Variants in CD109 observed in about 807,000 individuals in gnomAD.
CD109 encodes CD109 antigen.
In CD109, 149 loss-of-function variants were observed where a neutral mutation model predicts 165.8. The ratio of observed to expected loss-of-function variants is 0.90; its 90% CI spans 0.79 to 1.03. The LOEUF (loss-of-function observed/expected upper bound fraction) is 1.03, where lower values mean the gene tolerates loss of function less well. CD109 is among the 50% of genes least tolerant of loss of function. The pLI, the probability that CD109 is intolerant of heterozygous loss-of-function variation, is 0.00. For missense variants in CD109, 1,712 were observed against 1,677.8 expected (o/e 1.02, Z -0.36); for synonymous variants, 585 against 592.1 (o/e 0.99, Z 0.18).
chr6:73,823,429 T>G, intron 32 of CD109, 29 bp from the exon 33 acceptor site: 1 of 1,564,810 alleles, frequency 6.4e-7, no homozygotes, highest in Non-Finnish European at 8.7e-7. Context: ...AAGGGAGCCG[T>G]GTGAACTGAT....
intron 2 of CD109, among the ~76,000 whole-genome samples, chr6:73,707,454 T>A (rs892028578): frequency 1.3e-5 from 2 of 152,130 alleles, no homozygotes; most frequent in Admixed American, 6.5e-5. Flanking sequence ...AGGTTATGTT[T>A]GCACTACTGT....
intron 5 of CD109, among the ~76,000 whole-genome samples, chr6:73,743,629 T>C (rs1243590717): frequency 1.3e-5 from 2 of 152,236 alleles, no homozygotes; most frequent in Admixed American, 1.3e-4. Flanking sequence ...GGAGCCGTTT[T>C]TCTTTTGCAA....
rs945230947 is a variant in CD109, at chr6:73,767,006, A to C, written c.1493A>C (p.Tyr498Ser). 4 of 1,611,892 alleles carry C rather than the reference A, an allele frequency of 2.5e-6. No homozygotes were observed. The highest frequency in any genetic ancestry group is 3.4e-6 in the Non-Finnish European group (4 of 1,178,324). Residue 498 changes from tyrosine to serine, a missense_variant, in exon 13 of 33, where the codon TAT becomes TCT. Transcript: ENST00000287097. ...AACAAACGATTGAAGGAGTTAAGCT[A>C]TATGGTAATCTCTTATAGAATCTAA... ...SGNKRLKELS[Y>S]MVVSRGQLVA... is the part of the protein sequence containing the mutation.
the CD109 span, among the ~76,000 whole-genome samples, chr6:73,680,116 C>T: frequency 3.3e-5 from 5 of 151,984 alleles, no homozygotes; most frequent in African/African-American, 1.2e-4. Context: ...TGAGTGAATT[C>T]GTGATTCATT....
chr6:73,803,011 G>A (rs1192397175), intron 23 of CD109, among the ~76,000 whole-genome samples: 8 of 152,036 alleles, frequency 5.3e-5, no homozygotes, highest in Admixed American at 3.9e-4. Flanking sequence ...GGATATCACA[G>A]TTTTTATTTT....
chr6:73,780,153 A>G (rs773691311), intron 15 of CD109, among the ~76,000 whole-genome samples: 1 of 152,130 alleles, frequency 6.6e-6, no homozygotes, highest in Non-Finnish European at 1.5e-5. Flanking sequence ...GGTCTTGTCA[A>G]ACAGTAACAT....
intron 10 of CD109, among the ~76,000 whole-genome samples, chr6:73,765,446 T>C (rs1052606287): frequency 2.2e-4 from 34 of 152,124 alleles, no homozygotes; most frequent in African/African-American, 7.5e-4. Context: ...ATTTTAGATA[T>C]GTGAATTCAA....
intron 15 of CD109, among the ~76,000 whole-genome samples, chr6:73,774,941 C>CT (rs200608234): frequency 0.11 from 15,413 of 143,362 alleles, 823 homozygotes; most frequent in Middle Eastern, 0.14. Flanking sequence ...GTTTTGGCTT[C>CT]TTTTTTTTTT....
intron 28 of CD109, 94 bp downstream of exon 28, chr6:73,811,241 C>G (rs1401605572): frequency 3.4e-5 from 47 of 1,390,004 alleles, no homozygotes; most frequent in Non-Finnish European, 4.3e-5. Flanking sequence ...TCAACAAAGA[C>G]TTGTTTCCAG....
At chr6:73,801,703 G>A (rs1775365767) in intron 23 of CD109, among the ~76,000 whole-genome samples, 1 of 152,178 alleles carries the variant, frequency 6.6e-6, no homozygotes, top group Non-Finnish European at 1.5e-5. Context: ...AGTCAAATAT[G>A]AATTTTACTT....
the CD109 span, among the ~76,000 whole-genome samples, chr6:73,687,492 C>T: frequency 6.9e-6 from 1 of 144,860 alleles, no homozygotes; most frequent in African/African-American, 2.5e-5. Context: ...TCCCTCTCCT[C>T]CCCTTCTTTC....
chr6:73,753,383 T>C (rs1178982611), intron 5 of CD109, among the ~76,000 whole-genome samples: 3 of 152,220 alleles, frequency 2.0e-5, no homozygotes, highest in Non-Finnish European at 4.4e-5. Flanking sequence ...GTATCTTTTG[T>C]ACTTGATTAT....
chr6:73,718,650 A>G (rs1771834644), intron 2 of CD109, among the ~76,000 whole-genome samples: 1 of 152,006 alleles, frequency 6.6e-6, no homozygotes, highest in Non-Finnish European at 1.5e-5. Flanking sequence ...TTAGGGTCAG[A>G]AGCTTGGCCC....
intron 31 of CD109, among the ~76,000 whole-genome samples, chr6:73,820,220 A>C (rs185831289): frequency 6.6e-6 from 1 of 151,974 alleles, no homozygotes; most frequent in African/African-American, 2.4e-5. Flanking sequence ...TTACTTAACC[A>C]CTCTAATTCT....
intron 1 of CD109, 101 bp from the exon 2 acceptor site, chr6:73,697,299 G>A (rs989667308): frequency 4.0e-6 from 4 of 989,160 alleles, no homozygotes; most frequent in African/African-American, 1.6e-5. Context: ...TGCAATTGGC[G>A]CAGTATGGAG....
intron 2 of CD109, among the ~76,000 whole-genome samples, chr6:73,719,029 A>G (rs1582055866): frequency 6.6e-6 from 1 of 152,220 alleles, no homozygotes; most frequent in East Asian, 1.9e-4. Flanking sequence ...TTGTAATAAT[A>G]TATTTTATTT....
At chr6:73,688,431 A>G in the CD109 span, among the ~76,000 whole-genome samples, 2 of 152,138 alleles carry the variant, frequency 1.3e-5, no homozygotes, top group Non-Finnish European at 2.9e-5. Context: ...CTTTTGTTCT[A>G]ATATTTGGTC....
intron 5 of CD109, among the ~76,000 whole-genome samples, chr6:73,752,013 C>T (rs572093931): frequency 2.6e-5 from 4 of 152,108 alleles, no homozygotes; most frequent in South Asian, 2.1e-4. Context: ...TTTAACCTCC[C>T]GTTATGTGCA....
intron 5 of CD109, among the ~76,000 whole-genome samples, chr6:73,740,622 A>T: frequency 7.1e-6 from 1 of 139,870 alleles, no homozygotes; most frequent in Admixed American, 7.5e-5. Context: ...TTTTTTCGAG[A>T]CAGAGTCTCG....
Sources: gnomAD v4.1 joint callset for allele counts (sites outside exome capture counted in the v4.1 genomes callset) on GRCh38, gnomAD v4.1.1 for gene constraint, MANE v1.5 for transcripts, NCBI Gene and HGNC (gene_info 2026-07-23, HGNC 2026-07-21) for gene names.